Variants in CDH12 observed in about 807,000 individuals in gnomAD.
The protein encoded by CDH12 is cadherin 12.
Under a neutral mutation model 74.1 loss-of-function variants are expected in CDH12, and 41 were observed. That is an observed-to-expected ratio of 0.55 (90% CI 0.43 to 0.72). The LOEUF (loss-of-function observed/expected upper bound fraction) is 0.72. Ranked by LOEUF, CDH12 falls within the 30% of genes least tolerant of loss-of-function variation. The pLI is 0.00. For missense variants in CDH12, 945 were observed against 977.2 expected, an observed-to-expected ratio of 0.97 and a Z score of 0.44; for synonymous variants, 399 against 355.0, an observed-to-expected ratio of 1.12 and a Z score of -1.39.
At chr5:21,784,989 G>A (rs539220967) in intron 10 of CDH12, among the ~76,000 whole-genome samples, 77 of 152,154 alleles carry the variant, frequency 5.1e-4, no homozygotes, top group Middle Eastern at 3.4e-3. Context: ...GCAACCCTGT[G>A]TCAAGCAAGT....
At chr5:22,009,207 C>T (rs1244012760) in intron 5 of CDH12, among the ~76,000 whole-genome samples, 4 of 152,194 alleles carry the variant, frequency 2.6e-5, no homozygotes, top group African/African-American at 7.2e-5. Context: ...CATGTTCTTT[C>T]AGGCTTCCCA....
chr5:22,454,171 T>A (rs1359137053), intron 2 of CDH12, among the ~76,000 whole-genome samples: 1 of 152,200 alleles, frequency 6.6e-6, no homozygotes, highest in East Asian at 1.9e-4. Context: ...TTGCCTTTAT[T>A]TTTGTCATTA....
Position 22,085,664 on chromosome 5 carries a change from C to T in CDH12, c.-186-6802G>A, listed in dbSNP as rs1183988717. 2.0e-5 allele frequency among the ~76,000 whole-genome samples: 3 copies of T among 151,676 alleles called. No individual in the cohort carries two copies. In the East Asian group the frequency reaches 5.8e-4, roughly 29 times the overall value. On this transcript the variant is annotated intron_variant, in intron 4 of 14. Transcript: ENST00000382254. ...GTAATCAAAAGTGATCCCCATTGAA[C>T]AATATAAGGGAAGGCTTTATTTTCC...
intron 1 of CDH12, among the ~76,000 whole-genome samples, chr5:22,816,464 T>C (rs1356446089): frequency 6.6e-6 from 1 of 152,082 alleles, no homozygotes; most frequent in Non-Finnish European, 1.5e-5. Flanking sequence ...AAAAGGCAAA[T>C]GGGAATATTT....
At chr5:21,807,699 C>A (rs570603919) in intron 9 of CDH12, among the ~76,000 whole-genome samples, 7 of 152,198 alleles carry the variant, frequency 4.6e-5, no homozygotes, top group African/African-American at 1.4e-4. Flanking sequence ...ATGATAGCTT[C>A]AGCAGGCAGA....
At chr5:22,364,511 T>C (rs988585257) in intron 3 of CDH12, among the ~76,000 whole-genome samples, 3 of 152,142 alleles carry the variant, frequency 2.0e-5, no homozygotes, top group Non-Finnish European at 4.4e-5. Flanking sequence ...TGGTAATCTG[T>C]GGCCGGCAAC....
At chr5:22,206,833 T>A (rs977710864) in intron 4 of CDH12, among the ~76,000 whole-genome samples, 1 of 151,296 alleles carries the variant, frequency 6.6e-6, no homozygotes, top group Admixed American at 6.6e-5. Context: ...TAGAAAAATA[T>A]GGATGAATTA....
intron 4 of CDH12, among the ~76,000 whole-genome samples, chr5:22,206,352 G>A (rs1751217050): frequency 6.6e-6 from 1 of 152,186 alleles, no homozygotes; most frequent in Non-Finnish European, 1.5e-5. Flanking sequence ...GTCTACAGCA[G>A]CAGTGTCCAA....
At chr5:22,817,792 A>G (rs749353994) in intron 1 of CDH12, among the ~76,000 whole-genome samples, 3 of 152,140 alleles carry the variant, frequency 2.0e-5, no homozygotes, top group South Asian at 2.1e-4. Flanking sequence ...AGAATCCCCA[A>G]TGCATTCTGT....
At chr5:22,102,717 G>A (rs972458875) in intron 4 of CDH12, among the ~76,000 whole-genome samples, 6 of 151,842 alleles carry the variant, frequency 4.0e-5, no homozygotes, top group African/African-American at 1.2e-4. Flanking sequence ...ATAAGAAAAT[G>A]TAATCCCCAA....
intron 3 of CDH12, among the ~76,000 whole-genome samples, chr5:22,372,846 G>A (rs575433466): frequency 6.6e-6 from 1 of 152,274 alleles, no homozygotes; most frequent in African/African-American, 2.4e-5. Flanking sequence ...AGTAAGAGGA[G>A]AGGCCAGAAA....
At chr5:22,304,825 C>T (rs1478194169) in intron 3 of CDH12, among the ~76,000 whole-genome samples, 1 of 152,122 alleles carries the variant, frequency 6.6e-6, no homozygotes, top group South Asian at 2.1e-4. Context: ...GACACCTTGT[C>T]AGTTATGCAT....
chr5:22,801,117 G>T (rs374063216), intron 1 of CDH12, among the ~76,000 whole-genome samples: 15 of 152,210 alleles, frequency 9.9e-5, no homozygotes, highest in African/African-American at 3.1e-4. Flanking sequence ...AGGAACTACC[G>T]CATTGTCTTC....
At chr5:22,841,712 G>A (rs777215816) in intron 1 of CDH12, among the ~76,000 whole-genome samples, 1 of 152,184 alleles carries the variant, frequency 6.6e-6, no homozygotes, top group Non-Finnish European at 1.5e-5. Context: ...AGTCATGTGG[G>A]CATCTGAAAA....
intron 1 of CDH12, among the ~76,000 whole-genome samples, chr5:22,780,196 A>T (rs1747317011): frequency 6.6e-6 from 1 of 152,092 alleles, no homozygotes; most frequent in Admixed American, 6.6e-5. Context: ...GACCAGCCTG[A>T]GTAACATAAC....
At chr5:22,824,913 T>C (rs772924715) in intron 1 of CDH12, among the ~76,000 whole-genome samples, 54 of 151,676 alleles carry the variant, frequency 3.6e-4, no homozygotes, top group Non-Finnish European at 5.2e-4. Context: ...TATATATCTA[T>C]AGAAAGTTAA....
chr5:22,160,199 C>A (rs1748259035), intron 4 of CDH12, among the ~76,000 whole-genome samples: 1 of 152,088 alleles, frequency 6.6e-6, no homozygotes, highest in Admixed American at 6.6e-5. Context: ...TTCAGTCTGG[C>A]AGAAAAATGT....
chr5:22,643,733 CTTTTTTTTTTTT>C (rs762944279), intron 1 of CDH12, among the ~76,000 whole-genome samples: 2 of 51,202 alleles, frequency 3.9e-5, no homozygotes, highest in African/African-American at 7.9e-5. Context: ...TTTAAGGTAT[CTTTTTTTTTTTT>C]TTTTTTTTTT....
At chr5:22,421,163 C>T (rs1301767580) in intron 2 of CDH12, among the ~76,000 whole-genome samples, 2 of 152,046 alleles carry the variant, frequency 1.3e-5, no homozygotes, top group Admixed American at 6.6e-5. Flanking sequence ...TTCCTCTCTT[C>T]CTATCTGAAT....
Sources: gnomAD v4.1 joint callset for allele counts (sites outside exome capture counted in the v4.1 genomes callset) on GRCh38, gnomAD v4.1.1 for gene constraint, MANE v1.5 for transcripts, NCBI Gene and HGNC (gene_info 2026-07-23, HGNC 2026-07-21) for gene names.